LRP1B: variants seen among roughly 807,000 people sequenced by gnomAD.
LRP1B encodes the protein low-density lipoprotein receptor-related protein 1B.
LRP1B carries 217 observed loss-of-function variants against 556.6 expected under a neutral mutation model. The observed-to-expected ratio is 0.39, with a 90% CI of 0.35 to 0.44. The LOEUF (loss-of-function observed/expected upper bound fraction) is 0.44. Ranked by LOEUF, LRP1B falls within the 20% of genes least tolerant of loss-of-function variation. The probability of loss-of-function intolerance (pLI) is 1.00; values close to 1 mark genes in which losing one functional copy is unlikely to be tolerated. For missense variants in LRP1B, 5,053 were observed against 5,620.8 expected (o/e 0.90, Z 3.23); for synonymous variants, 2,047 against 1,865.8 (o/e 1.10, Z -2.50).
Position 140,510,011 on chromosome 2 carries a change from C to T in LRP1B, c.8315G>A (p.Arg2772His), listed in dbSNP as rs143765896. The T allele has an allele frequency of 5.3e-5, 86 of 1,613,916 alleles. No individual in the cohort carries two copies. The African/African-American group carries it at 9.9e-4, about 19-fold the overall frequency. Reference sequence around the variant, plus strand: ...AAGCCAATGTCGGGGCACGCAGGCACGAGAGCCCTGGCAGCTGAACATGTC... The same window carrying T: ...AAGCCAATGTCGGGGCACGCAGGCATGAGAGCCCTGGCAGCTGAACATGTC... ...AADMFSCQGSRACVPRHWLCD... is the reference protein window; with the variant it reads ...AADMFSCQGSHACVPRHWLCD... The change falls in exon 52 of 91, where the codon CGT (arginine) becomes CAT (histidine). Residue 2772 changes from arginine to histidine, a missense_variant. Arg to His is a conservative substitution (Grantham distance 29, BLOSUM62 0). Transcript: ENST00000389484.
intron 7 of LRP1B, among the ~76,000 whole-genome samples, chr2:141,176,682 C>G (rs1290706360): frequency 1.3e-5 from 2 of 151,334 alleles, no homozygotes; most frequent in East Asian, 3.9e-4. Flanking sequence ...TCAAAACAAA[C>G]TTTTAATAGA....
At chr2:141,742,060 A>G (rs988263613) in intron 2 of LRP1B, among the ~76,000 whole-genome samples, 1 of 152,044 alleles carries the variant, frequency 6.6e-6, no homozygotes, top group Admixed American at 6.6e-5. Context: ...TCCTTTCCCT[A>G]ATGTATGTTC....
chr2:141,772,652 A>G (rs1694939299), intron 2 of LRP1B, among the ~76,000 whole-genome samples: 1 of 152,200 alleles, frequency 6.6e-6, no homozygotes, highest in East Asian at 1.9e-4. Flanking sequence ...CAGAGCACGA[A>G]CAAGCTACTC....
chr2:140,368,698 G>C (rs918685662), intron 71 of LRP1B, among the ~76,000 whole-genome samples: 2 of 151,758 alleles, frequency 1.3e-5, no homozygotes, highest in Non-Finnish European at 2.9e-5. Context: ...CCAACACTCA[G>C]CTCCTATAAG....
chr2:140,779,714 AG>A (rs1573707781), intron 32 of LRP1B, among the ~76,000 whole-genome samples: 1 of 136,340 alleles, frequency 7.3e-6, no homozygotes, highest in East Asian at 2.1e-4. Flanking sequence ...AAAAAAAAAA[AG>A]TGTGTGTGTG....
Position 141,502,180 on chromosome 2 carries a change from C to A in LRP1B, c.206-21647G>T, listed in dbSNP as rs1182586088. ...ACTTTATGAAATGAAACAACAGTTT[C>A]AGGATTTTTCATTCAAATATTCTGT... On this transcript the variant is annotated intron_variant, in intron 2 of 90. Transcript: ENST00000389484. 2.6e-5 allele frequency among the ~76,000 whole-genome samples: 4 copies of A among 152,140 alleles called. No homozygotes were observed. The East Asian group carries it at 7.7e-4, about 29-fold the overall frequency.
At chr2:140,308,516 A>G (rs1412647017) in intron 83 of LRP1B, among the ~76,000 whole-genome samples, 3 of 151,730 alleles carry the variant, frequency 2.0e-5, no homozygotes, top group Admixed American at 6.6e-5. Flanking sequence ...TTTAATTCAT[A>G]CTCATTTGTC....
chr2:141,954,640 A>G (rs1701199447), intron 1 of LRP1B, among the ~76,000 whole-genome samples: 1 of 152,112 alleles, frequency 6.6e-6, no homozygotes, highest in Non-Finnish European at 1.5e-5. Context: ...CATGTATGTT[A>G]TGTATTGTCT....
chr2:141,071,538 C>A (rs1292844267), intron 7 of LRP1B, among the ~76,000 whole-genome samples: 5 of 152,074 alleles, frequency 3.3e-5, no homozygotes, highest in Admixed American at 6.6e-5. Flanking sequence ...AAAGGGTATT[C>A]AATTAGGGAA....
intron 41 of LRP1B, among the ~76,000 whole-genome samples, chr2:140,665,614 T>C (rs1685240175): frequency 6.6e-6 from 1 of 152,162 alleles, no homozygotes. Flanking sequence ...TGCAGAGCTT[T>C]TGGGGAACTA....
chr2:140,765,341 T>C (rs1315739980), intron 35 of LRP1B, among the ~76,000 whole-genome samples: 2 of 152,140 alleles, frequency 1.3e-5, no homozygotes, highest in East Asian at 1.9e-4. Context: ...AATTGTTTCA[T>C]TATTAAGGAG....
chr2:141,745,713 C>A (rs1693890588), intron 2 of LRP1B, among the ~76,000 whole-genome samples: 2 of 152,010 alleles, frequency 1.3e-5, no homozygotes, highest in Admixed American at 6.6e-5. Context: ...AAGGCAAATA[C>A]TGCTTTATTT....
chr2:140,924,066 T>C (rs142067533), intron 20 of LRP1B, among the ~76,000 whole-genome samples: 1 of 152,144 alleles, frequency 6.6e-6, no homozygotes, highest in African/African-American at 2.4e-5. Flanking sequence ...ATTTATTGTG[T>C]ATCTTGCATA....
chr2:141,224,003 C>T (rs1182206666), intron 6 of LRP1B, among the ~76,000 whole-genome samples: 1 of 152,092 alleles, frequency 6.6e-6, no homozygotes, highest in East Asian at 1.9e-4. Context: ...TTGCTGAAAA[C>T]AATTGCAACA....
rs980508541 is a variant in LRP1B, at chr2:141,171,749, T to C, written c.1013+16672A>G. Among the ~76,000 whole-genome samples the C allele has an allele frequency of 2.0e-5, 3 of 152,160 alleles. No homozygotes were observed. The East Asian group carries it at 5.8e-4, about 30-fold the overall frequency. ...GAAACATTTACTAGCTTTTTTACCATGGGTAGGTAATTGCACCTCTCCAAG... is the reference window on the plus strand; with the variant it reads ...GAAACATTTACTAGCTTTTTTACCACGGGTAGGTAATTGCACCTCTCCAAG... On this transcript the variant is annotated intron_variant, in intron 7 of 90. Coordinates refer to ENST00000389484, the MANE Select transcript of LRP1B (RefSeq NM_018557.3).
intron 3 of LRP1B, among the ~76,000 whole-genome samples, chr2:141,287,966 A>T (rs1179431107): frequency 6.6e-6 from 1 of 152,190 alleles, no homozygotes; most frequent in African/African-American, 2.4e-5. Context: ...ATGTATATAT[A>T]AAACTGTGTT....
chr2:140,928,420 T>C (rs1173144230), intron 20 of LRP1B, among the ~76,000 whole-genome samples: 1 of 152,116 alleles, frequency 6.6e-6, no homozygotes, highest in African/African-American at 2.4e-5. Flanking sequence ...AGGTGGGCTA[T>C]CCCTGTGGTG....
chr2:141,264,740 C>G (rs776284885), intron 3 of LRP1B, among the ~76,000 whole-genome samples: 2 of 152,224 alleles, frequency 1.3e-5, no homozygotes, highest in Non-Finnish European at 2.9e-5. Flanking sequence ...CAGGCATGAG[C>G]CACTGCACCC....
At chr2:141,674,433 C>T (rs1690797862) in intron 2 of LRP1B, among the ~76,000 whole-genome samples, 1 of 151,946 alleles carries the variant, frequency 6.6e-6, no homozygotes, top group South Asian at 2.1e-4. Flanking sequence ...TTATTTGCCA[C>T]AATTGTACAA....
Sources: gnomAD v4.1 joint callset for allele counts (sites outside exome capture counted in the v4.1 genomes callset) on GRCh38, gnomAD v4.1.1 for gene constraint, MANE v1.5 for transcripts, NCBI Gene and HGNC (gene_info 2026-07-23, HGNC 2026-07-21) for gene names.